The following ORC3 variants were observed in gnomAD, a reference collection of about 807,000 sequenced individuals.
The protein encoded by ORC3 is origin recognition complex subunit 3, also known as homolog of latheo, Drosophila.
ORC3 carries 78 observed loss-of-function variants against 100.7 expected under a neutral mutation model. The ratio of observed to expected loss-of-function variants is 0.77; its 90% CI spans 0.65 to 0.94. The LOEUF is 0.94. ORC3 is among the 40% of genes least tolerant of loss of function. The pLI is 0.00. For synonymous variants in ORC3, 295 were observed against 289.3 expected (o/e 1.02, Z -0.20); for missense variants, 789 against 823.9 (o/e 0.96, Z 0.52).
In ORC3 at chr6:87,601,866, G is replaced by T; in HGVS notation, c.162G>T (p.Met54Ile). 6.3e-7 allele frequency: 1 copy of T among 1,598,598 alleles called. No individual in the cohort carries two copies. The highest frequency in any genetic ancestry group is 1.1e-5 in the South Asian group (1 of 90,746). Residue 54 changes from methionine to isoleucine, a missense_variant, in exon 3 of 20, where the codon ATG (methionine) becomes ATT (isoleucine). Physicochemically the swap from Met to Ile is conservative, Grantham distance 10. Transcript: ENST00000392844. ...FETYQLIWQQ[M>I]KSENERLQEE... is the part of the protein sequence containing the mutation. ...CTTATCAGTTGATATGGCAGCAGAT[G>T]AAATCTGAAAATGAGGTGAATACTT... is the stretch of plus-strand genomic sequence containing the variant.
chr6:87,676,761 C>CA, the ORC3 span, among the ~76,000 whole-genome samples: 4 of 148,396 alleles, frequency 2.7e-5, no homozygotes, highest in East Asian at 4.0e-4. Context: ...GCCTGGGCGA[C>CA]AGAGTGAGAC....
At position 87,663,135 on chromosome 6, in the gene ORC3, T is replaced by C. The variant is rs1313877051; in HGVS notation, c.1824T>C (p.Tyr608=). ...ALHTALNNPY[Y]YLKNEALKSE... is the part of the protein sequence containing the mutation. Reference sequence around the variant, plus strand: ...ATACTGCACTCAACAATCCTTACTATTATCTCAAGGTAAGATGAACATTTA... The same window carrying C: ...ATACTGCACTCAACAATCCTTACTACTATCTCAAGGTAAGATGAACATTTA... The change falls in exon 17 of 20, where the codon TAT becomes TAC. Residue 608 remains tyrosine, a synonymous_variant. Coordinates refer to ENST00000392844, the MANE Select transcript of ORC3 (RefSeq NM_012381.4). 1.9e-6 allele frequency: 3 copies of C among 1,610,624 alleles called. No homozygotes were observed. In the Admixed American group the frequency reaches 5.0e-5, roughly 27 times the overall value.
chr6:87,603,485 T>C lies in ORC3; in HGVS notation c.279T>C (p.Gly93=). ...GFQKNSRDLG[G]QIKLREIPTA... ...AGAAGAATTCAAGAGACTTGGGCGG[T>C]CAAATAAAACTCAGAGAAATTCCAA... The change falls in exon 4 of 20, where the codon GGT becomes GGC. Residue 93 remains glycine (G), a synonymous_variant. Coordinates refer to ENST00000392844, the MANE Select transcript of ORC3 (RefSeq NM_012381.4). The C allele has an allele frequency of 6.5e-7, 1 of 1,529,194 alleles. No individual in the cohort carries two copies. 94.7% of individuals were successfully genotyped at this position (1,529,194 alleles called of 1,614,324 possible).
intron 4 of ORC3, among the ~76,000 whole-genome samples, chr6:87,604,429 G>T (rs1402416157): frequency 6.6e-6 from 1 of 152,174 alleles, no homozygotes; most frequent in African/African-American, 2.4e-5. Flanking sequence ...TCAAGGGAAT[G>T]ATTTTTATTA....
At chr6:87,636,122 C>T (rs375693865) in intron 12 of ORC3, among the ~76,000 whole-genome samples, 76 of 151,852 alleles carry the variant, frequency 5.0e-4, no homozygotes, top group Non-Finnish European at 7.8e-4. Context: ...TTATTAGAGA[C>T]GGGGTTTCAC....
chr6:87,613,360 G>T (rs900835928), intron 8 of ORC3, among the ~76,000 whole-genome samples: 1 of 152,102 alleles, frequency 6.6e-6, no homozygotes, highest in Admixed American at 6.5e-5. Flanking sequence ...TTCAATTACC[G>T]CCCACCAGGT....
In ORC3 at chr6:87,652,989, G is replaced by A. The variant is rs1769392370; in HGVS notation, c.1383-127G>A. 9.2e-6 allele frequency: 6 copies of A among 652,060 alleles called. No individual in the cohort carries two copies. In the South Asian group the frequency reaches 1.3e-4, roughly 14 times the overall value. The allele number at this position is 652,060 out of a possible 1,614,324, so 40.4% of individuals were successfully genotyped here. A position where few individuals can be genotyped will look rare whatever the true frequency, so the allele number is the denominator to read the frequency against. On this transcript the variant is annotated intron_variant, in intron 13 of 19. Coordinates refer to ENST00000392844, the MANE Select transcript of ORC3 (RefSeq NM_012381.4). The stretch of plus-strand genomic sequence containing the variant: ...AGGAAAATCTCTCCAAAAAATGTTG[G>A]TAGCTACTAATGAAGAATTTCTTTT...
intron 17 of ORC3, 109 bp downstream of exon 17, chr6:87,663,253 TTCAGGG>T: frequency 1.2e-6 from 1 of 815,778 alleles, no homozygotes; most frequent in Non-Finnish European, 1.9e-6. Flanking sequence ...GAGTCGGCAA[TTCAGGG>T]TTGCACGTCT....
At chr6:87,601,409 A>G (rs376845130) in intron 2 of ORC3, among the ~76,000 whole-genome samples, 1 of 152,208 alleles carries the variant, frequency 6.6e-6, no homozygotes. Flanking sequence ...GGTGGCTCAC[A>G]CTTGTAATCC....
At chr6:87,676,601 A>ACGCACGCGCGCG in the ORC3 span, among the ~76,000 whole-genome samples, 119 of 26,692 alleles carry the variant, frequency 4.5e-3, no homozygotes, top group African/African-American at 8.8e-3. Flanking sequence ...CTAAAAACAC[A>ACGCACGCGCGCG]CACACACACA....
intron 14 of ORC3, among the ~76,000 whole-genome samples, chr6:87,654,948 G>A (rs1030260792): frequency 7.2e-5 from 11 of 152,206 alleles, no homozygotes; most frequent in African/African-American, 2.4e-4. Context: ...AAGATGATTA[G>A]TAGCCTAAAG....
chr6:87,617,699 A>G (rs1779257669), intron 9 of ORC3, among the ~76,000 whole-genome samples: 1 of 152,180 alleles, frequency 6.6e-6, no homozygotes, highest in Admixed American at 6.5e-5. Context: ...GTGTCACTGC[A>G]CTCTAGCCTG....
chr6:87,668,443 C>G (rs1770762382), downstream of ORC3, among the ~76,000 whole-genome samples: 1 of 152,106 alleles, frequency 6.6e-6, no homozygotes, highest in Admixed American at 6.6e-5. Flanking sequence ...CCAAAATGCT[C>G]CAGTGAGCAT....
At chr6:87,668,570 G>A (rs1770764904), downstream of ORC3, among the ~76,000 whole-genome samples, 1 of 152,132 alleles carries the variant, frequency 6.6e-6, no homozygotes, top group Admixed American at 6.5e-5. Context: ...GTAAAAGGAG[G>A]TATTAATATG....
intron 2 of ORC3, chr6:87,595,457 A>G (rs1777361283): frequency 6.6e-6 from 1 of 152,194 alleles, no homozygotes; most frequent in South Asian, 2.1e-4. Flanking sequence ...CCTTGGCCTT[A>G]TAGTTTGTGT....
At position 87,657,939 on chromosome 6, in the gene ORC3, G is replaced by A. The variant is rs1769850547; in HGVS notation, c.1612G>A (p.Glu538Lys). 3 of 1,567,324 alleles carry A rather than the reference G, an allele frequency of 1.9e-6. No homozygotes were observed. Among genetic ancestry groups the A allele is most frequent in the Non-Finnish European group, 2.6e-6 (3 of 1,137,632 alleles). ...HLQKSLLEMK[E>K]LRRSKKQTKF... ...TCTATAGTCCTTATTGGAAATGAAG[G>A]AGTTAAGAAGAAGTAAGAAGCAAAC... Residue 538 changes from glutamate to lysine, a missense_variant, in exon 16 of 20, where the codon GAG becomes AAG. Physicochemically the swap from Glu to Lys is moderately conservative, Grantham distance 56. This residue lies in a region of ORC3 where 366 missense variants were observed against 394.2 expected (regional missense o/e 0.93). Coordinates refer to ENST00000392844, the MANE Select transcript of ORC3 (RefSeq NM_012381.4).
intron 13 of ORC3, among the ~76,000 whole-genome samples, chr6:87,650,187 G>A (rs2128288223): frequency 6.6e-6 from 1 of 151,100 alleles, no homozygotes; most frequent in East Asian, 2.0e-4. Context: ...CTCAGTAGCT[G>A]GGACTACAAG....
At chr6:87,657,123 C>G in intron 15 of ORC3, 141 bp downstream of exon 15, 3 of 610,828 alleles carry the variant, frequency 4.9e-6, no homozygotes, top group Non-Finnish European at 8.8e-6. Context: ...TAACTCACTT[C>G]TAAGTTGAAC....
intron 6 of ORC3, 58 bp from the exon 7 acceptor site, chr6:87,609,038 A>T: frequency 7.1e-7 from 1 of 1,418,280 alleles, no homozygotes; most frequent in Non-Finnish European, 9.4e-7. Context: ...TGGCATTATA[A>T]CATTGTTTGA....
Sources: allele counts gnomAD v4.1 joint callset (sites outside exome capture counted in the v4.1 genomes callset), GRCh38; gene constraint gnomAD v4.1.1; regional missense constraint gnomAD v4.1.1; transcripts MANE v1.5; gene names NCBI Gene and HGNC (gene_info 2026-07-23, HGNC 2026-07-21).